CRHR2: variants seen among roughly 807,000 people sequenced by gnomAD.
CRHR2 encodes corticotropin-releasing hormone receptor 2.
A neutral mutation model predicts 57.9 loss-of-function variants in CRHR2; 53 were observed. The observed-to-expected ratio is 0.92, with a 90% confidence interval of 0.73 to 1.15. The LOEUF (loss-of-function observed/expected upper bound fraction) is 1.15. CRHR2 is among the 50% of genes most tolerant of loss of function. The probability of loss-of-function intolerance (pLI) is 0.00; values close to 1 mark genes in which losing one functional copy is unlikely to be tolerated. For missense variants in CRHR2, 532 were observed against 542.6 expected (o/e 0.98, Z 0.19); for synonymous variants, 213 against 220.9 (o/e 0.96, Z 0.32).
At chr7:30,662,323 C>T in intron 6 of CRHR2, 107 bp from the exon 7 acceptor site, 4 of 1,333,226 alleles carry the variant, frequency 3.0e-6, no homozygotes, top group Middle Eastern at 3.7e-4. Flanking sequence ...TTTTACTCTT[C>T]CAACAGCAGG....
At chr7:30,684,555 T>G (rs919983280), upstream of CRHR2, among the ~76,000 whole-genome samples, 9 of 152,176 alleles carry the variant, frequency 5.9e-5, no homozygotes, top group Non-Finnish European at 1.2e-4. Flanking sequence ...TGCTCTTAAC[T>G]GGGAGAGCTC....
chr7:30,692,061 T>C (rs116210125), intron 1 of CRHR2, among the ~76,000 whole-genome samples: 1,733 of 152,308 alleles, frequency 0.011, 34 homozygotes, highest in African/African-American at 0.038. Flanking sequence ...GCCACTTAAG[T>C]TCTCTGAGCC....
At chr7:30,668,396 G>A (rs1275111828) in intron 2 of CRHR2, among the ~76,000 whole-genome samples, 1 of 152,004 alleles carries the variant, frequency 6.6e-6, no homozygotes, top group Non-Finnish European at 1.5e-5. Flanking sequence ...AATGCTGAAC[G>A]TTCCATTGTT....
At position 30,655,575 on chromosome 7, in the gene CRHR2, C is replaced by A; in HGVS notation, c.1053+5G>T. 6.2e-7 allele frequency: 1 copy of A among 1,609,840 alleles called. No homozygotes were observed. Among genetic ancestry groups the A allele is most frequent in the Non-Finnish European group, 8.5e-7 (1 of 1,177,640 alleles). ...GTGGGGCCCCCATCTGGTCACAGGC[C>A]CCACCTGGAACGACTGCAGGAAGGA... On this transcript the variant is annotated splice_donor_5th_base_variant and intron_variant, in intron 10 of 11. Transcript: ENST00000471646.
chr7:30,691,071 G>A (rs1015866537), intron 1 of CRHR2, among the ~76,000 whole-genome samples: 5 of 151,986 alleles, frequency 3.3e-5, no homozygotes, highest in Non-Finnish European at 5.9e-5. Flanking sequence ...GACCCCGTGA[G>A]CCACTGCCAG....
At chr7:30,659,947 T>G (rs1189043851) in intron 8 of CRHR2, among the ~76,000 whole-genome samples, 9 of 152,344 alleles carry the variant, frequency 5.9e-5, no homozygotes, top group Non-Finnish European at 5.9e-5. Flanking sequence ...TATCTCTCTC[T>G]CTTTTTTTTA....
rs564028236 is a variant in CRHR2 at position 30,656,882 on chromosome 7, G to A, written c.832-870C>T. Among the ~76,000 whole-genome samples, 22 of 152,302 alleles carry A rather than the reference G, an allele frequency of 1.4e-4. No individual in the cohort carries two copies. The highest frequency in any genetic ancestry group is 6.2e-4 in the South Asian group (3 of 4,828). ...TGCAAGTGTGTTTGCCTCACAGAGCGTGTGCATGTGTGAGCATGGATCTGG... is the reference window on the plus strand; with the variant it reads ...TGCAAGTGTGTTTGCCTCACAGAGCATGTGCATGTGTGAGCATGGATCTGG... On this transcript the variant is annotated intron_variant, in intron 8 of 11. Transcript: ENST00000471646. The surrounding 1 kb of genome is among the most constrained non-coding windows in gnomAD (Gnocchi z 4.4).
intron 5 of CRHR2, among the ~76,000 whole-genome samples, chr7:30,663,212 T>A (rs930147791): frequency 6.6e-5 from 10 of 152,208 alleles, no homozygotes; most frequent in Non-Finnish European, 1.0e-4. Flanking sequence ...TCATTTTCAA[T>A]CCATAGCAAG....
chr7:30,687,338 G>A (rs10250835), upstream of CRHR2, among the ~76,000 whole-genome samples: 17,717 of 151,966 alleles, frequency 0.12, 1,173 homozygotes, highest in South Asian at 0.2. Flanking sequence ...CGTCACAAGC[G>A]ATGCGGTGGT....
At position 30,656,427 on chromosome 7, in the gene CRHR2, C is replaced by T. The variant is rs1783792282; in HGVS notation, c.832-415G>A. ...TGAGTCCCTTGCACTGTCACTGGCT[C>T]TAGGTCGGCCTGAGGTCCTTCTGAC... On this transcript the variant is annotated intron_variant, in intron 8 of 11. Transcript: ENST00000471646. This position sits in a 1 kb window ranked among gnomAD's most constrained non-coding sequence, Gnocchi z 4.4. Among the ~76,000 whole-genome samples, 1 of 152,218 alleles carries T rather than the reference C, an allele frequency of 6.6e-6. No individual in the cohort carries two copies. The highest frequency in any genetic ancestry group is 2.4e-5 in the African/African-American group (1 of 41,454).
At chr7:30,663,466 C>A (rs958642536) in intron 5 of CRHR2, among the ~76,000 whole-genome samples, 1 of 152,174 alleles carries the variant, frequency 6.6e-6, no homozygotes, top group Non-Finnish European at 1.5e-5. Flanking sequence ...CAAAAAGTAA[C>A]CCTGCCTTCC....
At chr7:30,666,515 C>A (rs940841677) in intron 3 of CRHR2, among the ~76,000 whole-genome samples, 10 of 152,196 alleles carry the variant, frequency 6.6e-5, no homozygotes, top group Non-Finnish European at 1.3e-4. Flanking sequence ...GGGCTGGAGG[C>A]CCCCCTGCCC....
upstream of CRHR2, among the ~76,000 whole-genome samples, chr7:30,684,841 A>G (rs1377125259): frequency 6.6e-6 from 1 of 152,226 alleles, no homozygotes; most frequent in Non-Finnish European, 1.5e-5. Flanking sequence ...TGAGGAAGAA[A>G]TTGGGAAGAG....
chr7:30,667,646 A>G (rs966487378), intron 2 of CRHR2, among the ~76,000 whole-genome samples: 1 of 152,258 alleles, frequency 6.6e-6, no homozygotes, highest in African/African-American at 2.4e-5. Context: ...AGCATGCCAC[A>G]TAATTTACAT....
rs377131759 is a variant in CRHR2 at position 30,671,679 on chromosome 7, C to T, written c.230-4366G>A. Among the ~76,000 whole-genome samples, 43 of 148,448 alleles carry T rather than the reference C, an allele frequency of 2.9e-4. No individual in the cohort carries two copies. In the East Asian group the frequency reaches 6.7e-3, roughly 23 times the overall value. ...AAAAATAGCCAGGCGTGGTGGTGTG[C>T]GCCTGTAGTCTCAGCTACTCAGAAG... On this transcript the variant is annotated intron_variant, in intron 2 of 11. Transcript: ENST00000471646.
At chr7:30,662,135 A>G (rs1228995664) in intron 7 of CRHR2, 21 bp downstream of exon 7, 12 of 1,613,150 alleles carry the variant, frequency 7.4e-6, no homozygotes, top group Non-Finnish European at 1.0e-5. Flanking sequence ...ATGACCCCCC[A>G]TGGCTGGCCC....
At chr7:30,693,070 T>G (rs1389085072) in intron 1 of CRHR2, among the ~76,000 whole-genome samples, 1 of 152,150 alleles carries the variant, frequency 6.6e-6, no homozygotes, top group Non-Finnish European at 1.5e-5. Flanking sequence ...AACAGGGGCC[T>G]TGGAGGCAGA....
At chr7:30,694,282 C>T (rs544518413) in intron 1 of CRHR2, among the ~76,000 whole-genome samples, 4 of 152,290 alleles carry the variant, frequency 2.6e-5, no homozygotes, top group East Asian at 1.9e-4. Context: ...TCCTGGTTCC[C>T]GCCTCTCAGT....
At position 30,653,263 on chromosome 7, in the gene CRHR2, C is replaced by T. The variant is rs577659183; in HGVS notation, c.*197G>A. 2.6e-5 allele frequency: 18 copies of T among 684,872 alleles called. No individual in the cohort carries two copies. The highest frequency in any genetic ancestry group is 3.8e-5 in the Non-Finnish European group (16 of 417,724). The allele number at this position is 684,872 out of a possible 1,614,324, so 42.4% of individuals were successfully genotyped here. On this transcript the variant is annotated 3_prime_UTR_variant, in exon 12 of 12. Transcript: ENST00000471646. This position sits in a 1 kb window ranked among gnomAD's most constrained non-coding sequence, Gnocchi z 5.0. ...TGTGAATTCCCTCTGCTTCCTCTTG[C>T]GCTGAGCCTGGTGGCCCCCACTCAT...
Sources: allele counts gnomAD v4.1 joint callset (sites outside exome capture counted in the v4.1 genomes callset), GRCh38; gene constraint gnomAD v4.1.1; non-coding constraint Gnocchi (gnomAD v3.1); transcripts MANE v1.5; gene names NCBI Gene and HGNC (gene_info 2026-07-23, HGNC 2026-07-21).